Variants in GLB1 observed in about 807,000 individuals in gnomAD.
GLB1 encodes the protein beta-galactosidase.
GLB1 carries 56 observed loss-of-function variants against 74.0 expected under a neutral mutation model. The observed-to-expected ratio is 0.76, with a 90% CI of 0.61 to 0.94. The LOEUF (loss-of-function observed/expected upper bound fraction) is 0.94. Among genes scored for constraint, GLB1 ranks in the 40% least tolerant of loss-of-function variants. The pLI, the probability that GLB1 is intolerant of heterozygous loss-of-function variation, is 0.00. For missense variants in GLB1, 787 were observed against 845.5 expected, an observed-to-expected ratio of 0.93 and a Z score of 0.86; for synonymous variants, 323 against 323.6, an observed-to-expected ratio of 1.00 and a Z score of 0.02.
At chr3:32,993,268 T>A (rs1381681630), downstream of GLB1, among the ~76,000 whole-genome samples, 1 of 152,066 alleles carries the variant, frequency 6.6e-6, no homozygotes, top group Non-Finnish European at 1.5e-5. Context: ...ATAAACAGAC[T>A]GACAATGACA....
chr3:33,091,408 GC>G (rs1413725007), intron 1 of GLB1: 85 of 985,394 alleles, frequency 8.6e-5, no homozygotes, highest in Non-Finnish European at 1.0e-4. Flanking sequence ...AGCAGTTGCT[GC>G]TTTGACACAT....
intron 11 of GLB1, among the ~76,000 whole-genome samples, chr3:33,023,406 T>A (rs1391893080): frequency 6.6e-6 from 1 of 152,184 alleles, no homozygotes; most frequent in Non-Finnish European, 1.5e-5. Context: ...TGACACTAGG[T>A]GGAAAATGTT....
At chr3:33,054,763 C>T (rs1206344161) in intron 6 of GLB1, among the ~76,000 whole-genome samples, 1 of 152,168 alleles carries the variant, frequency 6.6e-6, no homozygotes, top group African/African-American at 2.4e-5. Context: ...TCTTGCCTCT[C>T]GTGTCTTCTA....
chr3:33,028,067 A>C (rs1300045462), intron 10 of GLB1, among the ~76,000 whole-genome samples: 1 of 151,788 alleles, frequency 6.6e-6, no homozygotes, highest in Non-Finnish European at 1.5e-5. Context: ...TGACCTGCTA[A>C]TTTTTATTTT....
chr3:33,095,721 C>T (rs546867641), intron 1 of GLB1, among the ~76,000 whole-genome samples: 3 of 152,332 alleles, frequency 2.0e-5, no homozygotes, highest in Admixed American at 2.0e-4. Flanking sequence ...TCCCTACCCC[C>T]ACTCCCAGAT....
At chr3:32,962,695 C>A in the GLB1 span, among the ~76,000 whole-genome samples, 1 of 151,168 alleles carries the variant, frequency 6.6e-6, no homozygotes, top group Admixed American at 6.6e-5. Context: ...GATAACAGAC[C>A]CACATTATGA....
intron 1 of GLB1, among the ~76,000 whole-genome samples, chr3:33,076,111 G>A (rs1700093560): frequency 6.6e-6 from 1 of 152,160 alleles, no homozygotes; most frequent in Admixed American, 6.5e-5. Flanking sequence ...GGTCTTGGGA[G>A]GAACCCAGAC....
intron 15 of GLB1, among the ~76,000 whole-genome samples, chr3:33,011,296 T>C (rs1331939953): frequency 1.3e-5 from 2 of 152,012 alleles, no homozygotes; most frequent in Non-Finnish European, 2.9e-5. Context: ...AAAACTTACA[T>C]GCAAGTGTTT....
chr3:32,986,673 C>T, the GLB1 span, among the ~76,000 whole-genome samples: 11 of 151,720 alleles, frequency 7.3e-5, no homozygotes, highest in Non-Finnish European at 1.3e-4. Context: ...TCACTGCAAC[C>T]TCTGCCTCCC....
chr3:32,978,581 A>G, the GLB1 span, among the ~76,000 whole-genome samples: 1 of 152,250 alleles, frequency 6.6e-6, no homozygotes, highest in South Asian at 2.1e-4. Flanking sequence ...TAATCTTTGC[A>G]ACAACTCGGC....
At chr3:33,025,952 G>A (rs1412193521) in intron 10 of GLB1, among the ~76,000 whole-genome samples, 2 of 152,218 alleles carry the variant, frequency 1.3e-5, no homozygotes, top group African/African-American at 4.8e-5. Context: ...CAGGAAGGAG[G>A]TGGTCAGTCC....
At chr3:33,081,387 G>T (rs779290359) in intron 1 of GLB1, among the ~76,000 whole-genome samples, 4 of 152,204 alleles carry the variant, frequency 2.6e-5, no homozygotes, top group Non-Finnish European at 4.4e-5. Context: ...AGGATCCTTG[G>T]AACCTAGACA....
At chr3:32,985,809 G>A in the GLB1 span, among the ~76,000 whole-genome samples, 13 of 152,160 alleles carry the variant, frequency 8.5e-5, no homozygotes, top group Admixed American at 1.3e-4. Flanking sequence ...GGCTTCAAGC[G>A]ATTGTCATAC....
intron 7 of GLB1, among the ~76,000 whole-genome samples, chr3:33,052,223 G>T (rs1699024149): frequency 6.6e-6 from 1 of 152,166 alleles, no homozygotes. Flanking sequence ...CTTATACAAT[G>T]CAAGTATTCC....
the GLB1 span, among the ~76,000 whole-genome samples, chr3:32,961,962 A>G: frequency 2.6e-5 from 4 of 152,198 alleles, no homozygotes; most frequent in African/African-American, 4.8e-5. Context: ...TTGGGAGGCC[A>G]AGGCAGGCGG....
chr3:33,020,540 T>G (rs1237769735), intron 12 of GLB1, among the ~76,000 whole-genome samples: 1 of 152,178 alleles, frequency 6.6e-6, no homozygotes, highest in Non-Finnish European at 1.5e-5. Flanking sequence ...ATCTAATTAG[T>G]GAGGCAAAGT....
intron 15 of GLB1, among the ~76,000 whole-genome samples, chr3:33,000,265 G>T (rs1472608512): frequency 6.6e-6 from 1 of 152,178 alleles, no homozygotes; most frequent in African/African-American, 2.4e-5. Context: ...TACAGGAGGG[G>T]AATGCTAGGA....
chr3:33,029,471 G>C (rs562784362), intron 10 of GLB1, among the ~76,000 whole-genome samples: 1 of 152,280 alleles, frequency 6.6e-6, no homozygotes, highest in South Asian at 2.1e-4. Flanking sequence ...ATTCCAGAGA[G>C]TGAGAAATGT....
At chr3:33,047,072 AT>A (rs1182715290) in intron 9 of GLB1, among the ~76,000 whole-genome samples, 1 of 152,188 alleles carries the variant, frequency 6.6e-6, no homozygotes, top group Non-Finnish European at 1.5e-5. Flanking sequence ...GTGAAGCTGC[AT>A]CATAGCCCCA....
Sources: allele counts gnomAD v4.1 joint callset (sites outside exome capture counted in the v4.1 genomes callset), GRCh38; gene constraint gnomAD v4.1.1; transcripts MANE v1.5; gene names NCBI Gene and HGNC (gene_info 2026-07-23, HGNC 2026-07-21).